FOXP2: variants seen among roughly 807,000 people sequenced by gnomAD.
The protein encoded by FOXP2 is forkhead box protein P2.
In FOXP2, 12 loss-of-function variants were observed where a neutral mutation model predicts 115.8. The ratio of observed to expected loss-of-function variants is 0.10; its 90% confidence interval spans 0.07 to 0.17. The LOEUF (loss-of-function observed/expected upper bound fraction) is 0.17. Ranked by LOEUF, FOXP2 falls within the 10% of genes least tolerant of loss-of-function variation. The pLI is 1.00. For missense variants in FOXP2, 629 were observed against 843.5 expected (o/e 0.75, Z 3.15); for synonymous variants, 328 against 297.7 (o/e 1.10, Z -1.05).
intron 3 of FOXP2, among the ~76,000 whole-genome samples, chr7:114,603,581 T>C (rs934940463): frequency 2.0e-5 from 3 of 152,240 alleles, no homozygotes; most frequent in African/African-American, 7.2e-5. Context: ...AGATGTTTTA[T>C]CATTTTGAAT....
At chr7:114,104,444 A>G (rs1246790735) in intron 1 of FOXP2, among the ~76,000 whole-genome samples, 5 of 152,038 alleles carry the variant, frequency 3.3e-5, no homozygotes, top group Non-Finnish European at 5.9e-5. Flanking sequence ...TTATTTTTAG[A>G]AAATGTTAAT....
chr7:114,633,691 G>C (rs910491275), intron 6 of FOXP2, among the ~76,000 whole-genome samples: 2 of 152,106 alleles, frequency 1.3e-5, no homozygotes, highest in Admixed American at 1.3e-4. Flanking sequence ...TCATTGTGGA[G>C]GCTCATTGTG....
intron 2 of FOXP2, among the ~76,000 whole-genome samples, chr7:114,345,754 C>A (rs1296107194): frequency 2.0e-5 from 3 of 151,628 alleles, no homozygotes; most frequent in Non-Finnish European, 4.4e-5. Flanking sequence ...GATTTTGTGG[C>A]TTTTGAGGGT....
intron 1 of FOXP2, among the ~76,000 whole-genome samples, chr7:114,143,758 G>A (rs190284557): frequency 1.8e-4 from 28 of 151,728 alleles, no homozygotes; most frequent in African/African-American, 6.0e-4. Flanking sequence ...CCAAAAGCAG[G>A]GACCAGAAAT....
At chr7:114,192,716 A>T (rs1387328282) in intron 1 of FOXP2, among the ~76,000 whole-genome samples, 1 of 152,240 alleles carries the variant, frequency 6.6e-6, no homozygotes, top group Non-Finnish European at 1.5e-5. Context: ...TTATGAGTTC[A>T]GTATTTACTG....
chr7:114,177,816 T>G (rs1259452026), intron 1 of FOXP2, among the ~76,000 whole-genome samples: 2 of 151,978 alleles, frequency 1.3e-5, no homozygotes, highest in Non-Finnish European at 2.9e-5. Flanking sequence ...GTGAGAACAC[T>G]TAAAACCTGT....
chr7:114,490,464 C>T (rs1796987544), intron 2 of FOXP2, among the ~76,000 whole-genome samples: 1 of 151,932 alleles, frequency 6.6e-6, no homozygotes, highest in African/African-American at 2.4e-5. Context: ...AGTAAAACTA[C>T]TTTCTATGAT....
intron 3 of FOXP2, chr7:114,570,765 T>A: frequency 6.8e-7 from 1 of 1,470,088 alleles, no homozygotes; most frequent in Non-Finnish European, 9.5e-7. Flanking sequence ...AGCCTTAAGA[T>A]TGAAAAAAAA....
chr7:114,447,336 A>G (rs781335538), intron 2 of FOXP2, among the ~76,000 whole-genome samples: 15 of 151,864 alleles, frequency 9.9e-5, no homozygotes, highest in East Asian at 3.9e-4. Flanking sequence ...TCATGTCCCT[A>G]TTTTTCTGGG....
intron 1 of FOXP2, among the ~76,000 whole-genome samples, chr7:114,227,468 T>TA (rs1161774795): frequency 6.6e-6 from 1 of 152,066 alleles, no homozygotes; most frequent in Non-Finnish European, 1.5e-5. Context: ...TTTTCTTTAA[T>TA]AAACACTTAA....
intron 3 of FOXP2, among the ~76,000 whole-genome samples, chr7:114,571,560 A>G (rs945925607): frequency 2.6e-5 from 4 of 151,924 alleles, no homozygotes; most frequent in African/African-American, 9.7e-5. Flanking sequence ...TGGGTTCTGT[A>G]TCTGTGGATT....
At chr7:114,271,599 A>C (rs1327158327) in intron 1 of FOXP2, among the ~76,000 whole-genome samples, 2 of 124,300 alleles carry the variant, frequency 1.6e-5, no homozygotes, top group Admixed American at 2.0e-4. Context: ...ATTATAATAT[A>C]ATATTAATAT....
At chr7:114,164,995 A>AG (rs1792938367) in intron 1 of FOXP2, among the ~76,000 whole-genome samples, 1 of 137,674 alleles carries the variant, frequency 7.3e-6, no homozygotes, top group Non-Finnish European at 1.6e-5. Context: ...TATATATATA[A>AG]AGTTCCAAAC....
chr7:114,168,644 C>A (rs1793047476), intron 1 of FOXP2, among the ~76,000 whole-genome samples: 1 of 152,116 alleles, frequency 6.6e-6, no homozygotes. Context: ...AAAAGAAAAT[C>A]CCATTTTCTG....
chr7:114,390,023 C>CAAA (rs11311566), intron 2 of FOXP2, among the ~76,000 whole-genome samples: 24 of 93,114 alleles, frequency 2.6e-4, no homozygotes, highest in Admixed American at 5.6e-4. Context: ...CATTCAGTGT[C>CAAA]AAAAAAAAAA....
intron 2 of FOXP2, among the ~76,000 whole-genome samples, chr7:114,447,388 AGGCCACT>A (rs1794880753): frequency 6.6e-6 from 1 of 151,634 alleles, no homozygotes; most frequent in Admixed American, 6.6e-5. Flanking sequence ...ATACTTATAA[AGGCCACT>A]GTGCCTAGCA....
intron 1 of FOXP2, among the ~76,000 whole-genome samples, chr7:114,202,261 CT>C (rs757466274): frequency 2.3e-4 from 35 of 152,194 alleles, no homozygotes; most frequent in Non-Finnish European, 1.9e-4. Flanking sequence ...CTCCTCATTT[CT>C]CCCTTACATC....
rs182448810 is a variant in FOXP2 at position 114,327,533 on chromosome 7, G to A, written c.-11+39424G>A. On this transcript the variant is annotated intron_variant, in intron 2 of 17. Transcript: ENST00000634411. ...TTTTTTTTTTTCAAGATGGAGTCTTGCTCTGTTGCCCAGGCTGGAGTGCAG... is the reference window on the plus strand; with the variant it reads ...TTTTTTTTTTTCAAGATGGAGTCTTACTCTGTTGCCCAGGCTGGAGTGCAG... Among the ~76,000 whole-genome samples the A allele has an allele frequency of 3.3e-3, 488 of 147,656 alleles. 3 individuals are homozygous for A. The highest frequency in any genetic ancestry group is 5.4e-3 in the Non-Finnish European group (361 of 67,144).
At chr7:114,489,577 G>C (rs889754228) in intron 2 of FOXP2, among the ~76,000 whole-genome samples, 1 of 151,734 alleles carries the variant, frequency 6.6e-6, no homozygotes, top group Non-Finnish European at 1.5e-5. Context: ...TTGAGAGCTT[G>C]AAGCCACTAG....
Sources: allele counts gnomAD v4.1 joint callset (sites outside exome capture counted in the v4.1 genomes callset), GRCh38; gene constraint gnomAD v4.1.1; transcripts MANE v1.5; gene names NCBI Gene and HGNC (gene_info 2026-07-23, HGNC 2026-07-21).